The following UVRAG variants were observed in gnomAD, a reference collection of about 807,000 sequenced individuals.
UVRAG encodes UV radiation resistance-associated gene protein.
Under a neutral mutation model 78.0 loss-of-function variants are expected in UVRAG, and 19 were observed. That is an observed-to-expected ratio of 0.24 (90% CI 0.17 to 0.36). UVRAG has a LOEUF of 0.36. Ranked by LOEUF, UVRAG falls within the 10% of genes least tolerant of loss-of-function variation. The pLI, the probability that UVRAG is intolerant of heterozygous loss-of-function variation, is 1.00. For missense variants in UVRAG, 740 were observed against 853.8 expected (o/e 0.87, Z 1.66); for synonymous variants, 323 against 324.6 (o/e 1.00, Z 0.05).
intron 7 of UVRAG, among the ~76,000 whole-genome samples, chr11:75,976,571 C>T (rs1344169410): frequency 6.6e-6 from 1 of 152,138 alleles, no homozygotes; most frequent in Non-Finnish European, 1.5e-5. Context: ...TTCAGCGATT[C>T]AGCTTCTTCC....
chr11:75,972,866 T>G (rs1157626242), intron 7 of UVRAG, among the ~76,000 whole-genome samples: 1 of 152,224 alleles, frequency 6.6e-6, no homozygotes, highest in Non-Finnish European at 1.5e-5. Flanking sequence ...CTTTTTATAC[T>G]TATTAATTCT....
At chr11:75,837,539 T>G (rs1945812756) in intron 1 of UVRAG, 1 of 152,122 alleles carries the variant, frequency 6.6e-6, no homozygotes, top group South Asian at 2.1e-4. Context: ...TTTTGGTTTG[T>G]TTTTTTCAGG....
chr11:75,861,878 T>A lies in UVRAG; in HGVS notation c.270+98T>A. On this transcript the variant is annotated intron_variant, in intron 3 of 14. Transcript: ENST00000356136. Reference sequence around the variant, plus strand: ...ATAAGTTGAGGTTCAGCTCTGGTTTTATGATACTTTAACGGATCTGCTCAA... The same window carrying A: ...ATAAGTTGAGGTTCAGCTCTGGTTTAATGATACTTTAACGGATCTGCTCAA... The A allele has an allele frequency of 6.9e-6, 7 of 1,012,820 alleles. No individual in the cohort carries two copies. The South Asian group carries it at 8.4e-5, about 12-fold the overall frequency. 62.7% of individuals were successfully genotyped at this position (1,012,820 alleles called of 1,614,324 possible). A position where few individuals can be genotyped will look rare whatever the true frequency, so the allele number is the denominator to read the frequency against.
intron 14 of UVRAG, 114 bp downstream of exon 14, chr11:76,116,129 A>G (rs1952176692): frequency 1.0e-6 from 1 of 984,988 alleles, no homozygotes; most frequent in Non-Finnish European, 1.5e-6. Flanking sequence ...CTGTAATGAG[A>G]TATGGGAGGA....
intron 1 of UVRAG, among the ~76,000 whole-genome samples, chr11:75,842,856 G>A (rs574828813): frequency 6.6e-6 from 1 of 152,272 alleles, no homozygotes; most frequent in South Asian, 2.1e-4. Flanking sequence ...ACTCAAACTC[G>A]ATTTAGAAGT....
chr11:75,829,252 TTTC>T (rs1434975440), intron 1 of UVRAG, among the ~76,000 whole-genome samples: 1 of 152,126 alleles, frequency 6.6e-6, no homozygotes, highest in Non-Finnish European at 1.5e-5. Flanking sequence ...AATTGCAGAA[TTTC>T]TTAACTGCAA....
chr11:76,031,102 C>G (rs1222976146), intron 12 of UVRAG, among the ~76,000 whole-genome samples: 1 of 152,128 alleles, frequency 6.6e-6, no homozygotes, highest in African/African-American at 2.4e-5. Context: ...ATCTGACACT[C>G]TACTCTGTGA....
chr11:76,008,948 C>A, intron 11 of UVRAG, 81 bp downstream of exon 11: 1 of 840,810 alleles, frequency 1.2e-6, no homozygotes. Flanking sequence ...TTGCCTAGCA[C>A]TTTATCCAAA....
Position 76,140,886 on chromosome 11 carries a change from T to C in UVRAG, c.1573T>C (p.Ser525Pro). ...QYKTPPPSYN[S>P]ALAQPVTTVP... ...CAAAACCCCTCCTCCCAGTTACAAC[T>C]CAGCATTAGCCCAGCCTGTGACCAC... The change falls in exon 15 of 15, where the codon TCA (serine) becomes CCA (proline). Residue 525 changes from serine (S) to proline (P), a missense_variant. Physicochemically the swap from Ser to Pro is moderately conservative, Grantham distance 74. Transcript: ENST00000356136. 1 of 1,614,106 alleles carries C rather than the reference T, an allele frequency of 6.2e-7. No individual in the cohort carries two copies. Among genetic ancestry groups the C allele is most frequent in the Non-Finnish European group, 8.5e-7 (1 of 1,180,032 alleles).
chr11:75,875,979 G>A (rs1201353831), intron 3 of UVRAG, among the ~76,000 whole-genome samples: 1 of 152,160 alleles, frequency 6.6e-6, no homozygotes, highest in East Asian at 1.9e-4. Flanking sequence ...TTAGAGACCA[G>A]TGTGGGCAAC....
At chr11:76,123,619 T>C (rs1341099196) in intron 14 of UVRAG, among the ~76,000 whole-genome samples, 3 of 152,224 alleles carry the variant, frequency 2.0e-5, no homozygotes, top group Non-Finnish European at 4.4e-5. Context: ...TTTTTCCTGA[T>C]TATAGAGCTT....
At chr11:76,080,502 AAT>A (rs199702854) in intron 13 of UVRAG, among the ~76,000 whole-genome samples, 1 of 151,386 alleles carries the variant, frequency 6.6e-6, no homozygotes, top group Non-Finnish European at 1.5e-5. Flanking sequence ...TTTATAATAG[AAT>A]ATATATATAT....
At chr11:75,983,586 C>T in intron 8 of UVRAG, 73 bp downstream of exon 8, 2 of 1,467,674 alleles carry the variant, frequency 1.4e-6, no homozygotes, top group South Asian at 3.0e-5. Context: ...TTCACAAGCT[C>T]AAATAGTCAT....
chr11:76,102,603 A>G (rs1421897966), intron 13 of UVRAG, among the ~76,000 whole-genome samples: 1 of 152,086 alleles, frequency 6.6e-6, no homozygotes, highest in Admixed American at 6.6e-5. Flanking sequence ...TTCCAATACT[A>G]TGTCAAATAG....
intron 1 of UVRAG, among the ~76,000 whole-genome samples, chr11:75,820,285 T>C (rs1315999675): frequency 6.6e-6 from 1 of 152,018 alleles, no homozygotes; most frequent in East Asian, 1.9e-4. Context: ...GCCAGAAAAT[T>C]TTATACTTAT....
intron 1 of UVRAG, among the ~76,000 whole-genome samples, chr11:75,828,780 CATAT>C (rs71036067): frequency 0.019 from 1,783 of 92,802 alleles, 53 homozygotes; most frequent in Admixed American, 0.03. Flanking sequence ...TATATACACA[CATAT>C]ATATATATAT....
At chr11:75,849,311 C>T (rs1935652802) in intron 1 of UVRAG, among the ~76,000 whole-genome samples, 1 of 152,060 alleles carries the variant, frequency 6.6e-6, no homozygotes, top group Non-Finnish European at 1.5e-5. Context: ...TGAGACCATC[C>T]TGGCTAACAC....
intron 12 of UVRAG, among the ~76,000 whole-genome samples, chr11:76,040,771 G>A (rs567598444): frequency 2.0e-5 from 3 of 151,922 alleles, no homozygotes; most frequent in Admixed American, 2.0e-4. Flanking sequence ...TGGCCAGGAT[G>A]GTCTCGATCT....
In UVRAG at chr11:75,838,534, C is replaced by A. The variant is rs530056519; in HGVS notation, c.118-13349C>A. Among the ~76,000 whole-genome samples the A allele has an allele frequency of 5.5e-4, 84 of 152,010 alleles. No individual in the cohort carries two copies. The Middle Eastern group carries it at 0.017, about 31-fold the overall frequency. On this transcript the variant is annotated intron_variant, in intron 1 of 14. Coordinates refer to ENST00000356136, the MANE Select transcript of UVRAG (RefSeq NM_003369.4). ...TAAGTTTTTCATAGAGACTCTCTCT[C>A]TATATATAGAGTCTTCCTATGTTGC...
Sources: allele counts gnomAD v4.1 joint callset (sites outside exome capture counted in the v4.1 genomes callset), GRCh38; gene constraint gnomAD v4.1.1; transcripts MANE v1.5; gene names NCBI Gene and HGNC (gene_info 2026-07-23, HGNC 2026-07-21).